Variants in KLF12 observed in about 807,000 individuals in gnomAD.
The protein encoded by KLF12 is Krueppel-like factor 12.
KLF12 carries 9 observed loss-of-function variants against 37.8 expected under a neutral mutation model. That is an observed-to-expected ratio of 0.24 (90% confidence interval 0.14 to 0.42). The LOEUF is 0.42. Among genes scored for constraint, KLF12 ranks in the 10% least tolerant of loss-of-function variants. The pLI is 1.00. For missense variants in KLF12, 411 were observed against 516.0 expected, an observed-to-expected ratio of 0.80 and a Z score of 1.97; for synonymous variants, 208 against 202.1, an observed-to-expected ratio of 1.03 and a Z score of -0.25.
intron 2 of KLF12, among the ~76,000 whole-genome samples, chr13:73,980,075 G>C (rs937056270): frequency 6.6e-6 from 1 of 152,112 alleles, no homozygotes; most frequent in Non-Finnish European, 1.5e-5. Context: ...AATAAATTTC[G>C]GTTGTTTAAG....
At chr13:74,193,901 G>A in the KLF12 span, among the ~76,000 whole-genome samples, 3 of 152,140 alleles carry the variant, frequency 2.0e-5, no homozygotes, top group Non-Finnish European at 2.9e-5. Context: ...GTATATTTAT[G>A]TTCTTTAGCT....
intron 6 of KLF12, among the ~76,000 whole-genome samples, chr13:73,726,821 G>A (rs1428793880): frequency 6.6e-6 from 1 of 152,126 alleles, no homozygotes; most frequent in Non-Finnish European, 1.5e-5. Flanking sequence ...AGAATTATTA[G>A]GTCATACGAT....
At position 73,904,553 on chromosome 13, in the gene KLF12, G is replaced by C. The variant is rs1237700264; in HGVS notation, c.123+39428C>G. 2.4e-4 allele frequency among the ~76,000 whole-genome samples: 36 copies of C among 147,776 alleles called. No individual in the cohort carries two copies. In the Admixed American group the frequency reaches 2.5e-3, roughly 10 times the overall value. On this transcript the variant is annotated intron_variant, in intron 3 of 7. Transcript: ENST00000377669. The stretch of plus-strand genomic sequence containing the variant: ...TCACCATAAAATTTGGGTCCAAAAA[G>C]GCCAAGGAATGTATTATCAGAAATG...
intron 3 of KLF12, among the ~76,000 whole-genome samples, chr13:73,883,606 T>G (rs1887082750): frequency 6.6e-6 from 1 of 152,198 alleles, no homozygotes; most frequent in African/African-American, 2.4e-5. Flanking sequence ...CTATTTCTAT[T>G]ACATGTCTAA....
intron 3 of KLF12, among the ~76,000 whole-genome samples, chr13:73,902,938 T>C (rs1888103127): frequency 6.6e-6 from 1 of 152,262 alleles, no homozygotes; most frequent in South Asian, 2.1e-4. Context: ...CCATTTCTTT[T>C]GGAGAACTGC....
At chr13:74,149,647 G>A in the KLF12 span, among the ~76,000 whole-genome samples, 1 of 152,162 alleles carries the variant, frequency 6.6e-6, no homozygotes, top group East Asian at 1.9e-4. Flanking sequence ...CTATCCAGAG[G>A]GACCTCTTAC....
At chr13:73,992,478 T>A (rs1891994412) in intron 2 of KLF12, among the ~76,000 whole-genome samples, 1 of 152,234 alleles carries the variant, frequency 6.6e-6, no homozygotes, top group African/African-American at 2.4e-5. Flanking sequence ...TTTTTGTTTT[T>A]GTTTTTAAGG....
chr13:73,951,728 A>G (rs778723179), intron 2 of KLF12, among the ~76,000 whole-genome samples: 6 of 152,070 alleles, frequency 3.9e-5, no homozygotes, highest in Non-Finnish European at 7.4e-5. Context: ...CCCCAACCCC[A>G]TTGTCCACCA....
At chr13:74,116,884 T>C (rs1006739193) in intron 1 of KLF12, among the ~76,000 whole-genome samples, 4 of 152,110 alleles carry the variant, frequency 2.6e-5, no homozygotes, top group Admixed American at 6.6e-5. Flanking sequence ...TATCCCACCA[T>C]ACCAGGGAAC....
At chr13:74,265,373 T>A in the KLF12 span, among the ~76,000 whole-genome samples, 1 of 152,332 alleles carries the variant, frequency 6.6e-6, no homozygotes, top group East Asian at 1.9e-4. Flanking sequence ...AGTCTATAGA[T>A]CTGAGATATA....
the KLF12 span, among the ~76,000 whole-genome samples, chr13:74,287,271 A>G: frequency 3.3e-5 from 5 of 150,966 alleles, no homozygotes; most frequent in Non-Finnish European, 5.9e-5. Context: ...CGTGTGCCAG[A>G]GTCTCCCCAG....
At chr13:74,122,427 G>A (rs561872419) in intron 1 of KLF12, among the ~76,000 whole-genome samples, 1 of 152,020 alleles carries the variant, frequency 6.6e-6, no homozygotes, top group Admixed American at 6.6e-5. Flanking sequence ...GATGGTGATT[G>A]GGGAGAGCGT....
rs140623941 is a variant in KLF12, at chr13:74,116,627, A to C, written c.-32+17112T>G. ...AGATGTCATAGCAGAACTTTTCAGA[A>C]AGTATTTTAATCTTACAAAGATCAA... On this transcript the variant is annotated intron_variant, in intron 1 of 7. Coordinates refer to ENST00000377669, the MANE Select transcript of KLF12 (RefSeq NM_007249.5). 2.8e-3 allele frequency among the ~76,000 whole-genome samples: 426 copies of C among 152,286 alleles called. 1 individual carries two copies. The highest frequency in any genetic ancestry group is 9.8e-3 in the African/African-American group (407 of 41,578).
chr13:73,760,799 T>A (rs1879502048), intron 6 of KLF12, among the ~76,000 whole-genome samples: 1 of 152,070 alleles, frequency 6.6e-6, no homozygotes, highest in African/African-American at 2.4e-5. Flanking sequence ...CCAAGTCCTT[T>A]AAAACCTTAA....
the KLF12 span, among the ~76,000 whole-genome samples, chr13:74,194,498 G>A: frequency 6.6e-6 from 1 of 152,184 alleles, no homozygotes; most frequent in African/African-American, 2.4e-5. Flanking sequence ...AGTCCTCATA[G>A]GGCAGGAGGG....
intron 1 of KLF12, among the ~76,000 whole-genome samples, chr13:74,103,978 AAAGAT>A (rs1198690697): frequency 3.3e-5 from 5 of 152,242 alleles, no homozygotes; most frequent in Admixed American, 6.5e-5. Context: ...GTAATACTAG[AAAGAT>A]AAGAATAATT....
At chr13:74,142,540 A>G in the KLF12 span, among the ~76,000 whole-genome samples, 1 of 152,204 alleles carries the variant, frequency 6.6e-6, no homozygotes, top group Non-Finnish European at 1.5e-5. Context: ...GAGGTCTTCC[A>G]TACCCTCCCT....
chr13:73,889,799 A>C (rs1887415533), intron 3 of KLF12, among the ~76,000 whole-genome samples: 1 of 152,146 alleles, frequency 6.6e-6, no homozygotes, highest in African/African-American at 2.4e-5. Context: ...ATATTTAAGC[A>C]AAATGCCATT....
intron 1 of KLF12, among the ~76,000 whole-genome samples, chr13:74,062,655 T>A (rs1182982524): frequency 1.3e-5 from 2 of 152,358 alleles, no homozygotes; most frequent in East Asian, 3.9e-4. Context: ...GATATTCAAT[T>A]TGTCTTCAAT....
Sources: gnomAD v4.1 joint callset for allele counts (sites outside exome capture counted in the v4.1 genomes callset) on GRCh38, gnomAD v4.1.1 for gene constraint, MANE v1.5 for transcripts, NCBI Gene and HGNC (gene_info 2026-07-23, HGNC 2026-07-21) for gene names.